The following NTRK2 variants were observed in gnomAD, a reference collection of about 807,000 sequenced individuals.
NTRK2 encodes the protein neurotrophic receptor tyrosine kinase 2, also known as BDNF/NT-3 growth factors receptor.
Under a neutral mutation model 94.5 loss-of-function variants are expected in NTRK2, and 13 were observed. The observed-to-expected ratio is 0.14, with a 90% CI of 0.09 to 0.22. The LOEUF is 0.22. Among genes scored for constraint, NTRK2 ranks in the 10% least tolerant of loss-of-function variants. The probability of loss-of-function intolerance (pLI) is 1.00; values close to 1 mark genes in which losing one functional copy is unlikely to be tolerated. For missense variants in NTRK2, 639 were observed against 1,071.2 expected, an observed-to-expected ratio of 0.60 and a Z score of 5.63; for synonymous variants, 372 against 407.4, an observed-to-expected ratio of 0.91 and a Z score of 1.05.
Position 84,725,342 on chromosome 9 carries a change from A to G in NTRK2, c.853+986A>G, listed in dbSNP as rs563669111. Among the ~76,000 whole-genome samples, 10 of 152,286 alleles carry G rather than the reference A, an allele frequency of 6.6e-5. No homozygotes were observed. The East Asian group carries it at 1.5e-3, about 23-fold the overall frequency. On this transcript the variant is annotated intron_variant, in intron 8 of 18. Coordinates refer to ENST00000277120, the MANE Select transcript of NTRK2 (RefSeq NM_006180.6). ...CAATCACTATGCCCAGTGGGTACTAAACTCATAATTTCTCATCATTTTGAC... is the reference window on the plus strand; with the variant it reads ...CAATCACTATGCCCAGTGGGTACTAGACTCATAATTTCTCATCATTTTGAC...
chr9:85,012,822 T>G (rs1374404213), intron 17 of NTRK2, among the ~76,000 whole-genome samples: 1 of 152,216 alleles, frequency 6.6e-6, no homozygotes, highest in African/African-American at 2.4e-5. Context: ...GACCCGTCCC[T>G]TCAAAACAGA....
chr9:84,867,444 G>C lies in NTRK2; in HGVS notation c.1633+13G>C, dbSNP rs774495568. The stretch of plus-strand genomic sequence containing the variant: ...AAGCCAGACACATGTAAGTACAGCT[G>C]TTTGTACTTATTGTCCCATTTGCTG... On this transcript the variant is annotated intron_variant, in intron 14 of 18. Coordinates refer to ENST00000277120, the MANE Select transcript of NTRK2 (RefSeq NM_006180.6). The C allele has an allele frequency of 2.5e-6, 4 of 1,603,162 alleles. No homozygotes were observed. The highest frequency in any genetic ancestry group is 1.1e-5 in the South Asian group (1 of 90,836).
chr9:84,720,017 C>CAAAAAAA (rs57132074), intron 6 of NTRK2, among the ~76,000 whole-genome samples: 1 of 87,754 alleles, frequency 1.1e-5, no homozygotes, highest in Non-Finnish European at 2.2e-5. Context: ...AAGACTATCT[C>CAAAAAAA]AAAAAAAAAA....
At chr9:84,763,712 A>T (rs1183410669) in intron 12 of NTRK2, among the ~76,000 whole-genome samples, 4 of 152,228 alleles carry the variant, frequency 2.6e-5, no homozygotes, top group Non-Finnish European at 1.5e-5. Context: ...GGAAATTAAG[A>T]TAACCCTGTA....
intron 14 of NTRK2, among the ~76,000 whole-genome samples, chr9:84,918,847 T>C (rs2077474621): frequency 6.6e-6 from 1 of 152,226 alleles, no homozygotes. Flanking sequence ...CTTTTATTAA[T>C]GCAACAACCT....
chr9:84,934,115 C>A, intron 14 of NTRK2, 47 bp from the exon 15 acceptor site: 1 of 1,611,848 alleles, frequency 6.2e-7, no homozygotes, highest in Non-Finnish European at 8.5e-7. Flanking sequence ...GCTGCCTTCA[C>A]CTCCACATGC....
At chr9:85,008,260 A>C (rs1217022860) in intron 17 of NTRK2, among the ~76,000 whole-genome samples, 1 of 151,984 alleles carries the variant, frequency 6.6e-6, no homozygotes, top group African/African-American at 2.4e-5. Context: ...TCTGTCTTGC[A>C]TTATGGCCAT....
At chr9:84,812,130 A>G in intron 12 of NTRK2, 1 of 1,059,546 alleles carries the variant, frequency 9.4e-7, no homozygotes, top group Non-Finnish European at 1.1e-6. Context: ...TAACTAGTCC[A>G]ACACAGTCAG....
At chr9:84,995,588 A>C (rs930985714) in intron 17 of NTRK2, among the ~76,000 whole-genome samples, 3 of 152,276 alleles carry the variant, frequency 2.0e-5, no homozygotes, top group South Asian at 4.1e-4. Context: ...TCTGCCACAC[A>C]CTTGGGCAAG....
rs2132719477 is a variant in NTRK2, at chr9:84,934,228, A to G, written c.1700A>G (p.Lys567Arg). 6.2e-7 allele frequency: 1 copy of G among 1,614,054 alleles called. No homozygotes were observed. Among genetic ancestry groups the G allele is most frequent in the Non-Finnish European group, 8.5e-7 (1 of 1,179,942 alleles). Residue 567 changes from lysine (K) to arginine (R), a missense_variant, in exon 15 of 19, where the codon AAA becomes AGA. Physicochemically the swap from Lys to Arg is conservative, Grantham distance 26 (BLOSUM62 2). This residue lies in a region of NTRK2 where 343 missense variants were observed against 571.5 expected (regional missense o/e 0.60). Coordinates refer to ENST00000277120, the MANE Select transcript of NTRK2 (RefSeq NM_006180.6). ...KRELGEGAFG[K>R]VFLAECYNLC... ...GAGCTAGGCGAAGGAGCCTTTGGAAAAGTGTTCCTAGCTGAATGCTATAAC... is the reference window on the plus strand; with the variant it reads ...GAGCTAGGCGAAGGAGCCTTTGGAAGAGTGTTCCTAGCTGAATGCTATAAC...
At chr9:84,814,383 G>A (rs2072149988) in intron 12 of NTRK2, 1 of 1,065,770 alleles carries the variant, frequency 9.4e-7, no homozygotes, top group Non-Finnish European at 1.1e-6. Flanking sequence ...GCATAATGGA[G>A]GGAAGCCCGC....
intron 14 of NTRK2, among the ~76,000 whole-genome samples, chr9:84,898,260 C>A (rs946456738): frequency 2.0e-5 from 3 of 152,110 alleles, no homozygotes; most frequent in African/African-American, 7.2e-5. Flanking sequence ...GGTGCCATCA[C>A]TTTTTCAGAA....
chr9:84,871,939 C>G, intron 14 of NTRK2: 1 of 1,603,100 alleles, frequency 6.2e-7, no homozygotes, highest in Non-Finnish European at 8.5e-7. Context: ...AACATCTTGA[C>G]GTCACTCCTT....
At chr9:84,946,225 T>C (rs1311927769) in intron 15 of NTRK2, among the ~76,000 whole-genome samples, 1 of 152,224 alleles carries the variant, frequency 6.6e-6, no homozygotes, top group Non-Finnish European at 1.5e-5. Context: ...GTAGTCTCCC[T>C]GGAGATGGGA....
intron 17 of NTRK2, among the ~76,000 whole-genome samples, chr9:84,977,088 T>C (rs995975300): frequency 3.9e-5 from 6 of 152,208 alleles, no homozygotes; most frequent in Non-Finnish European, 8.8e-5. Flanking sequence ...AGGGGAAATA[T>C]AGGAATAGGC....
At chr9:84,797,862 TA>T (rs1166545838) in intron 12 of NTRK2, among the ~76,000 whole-genome samples, 6 of 104,572 alleles carry the variant, frequency 5.7e-5, no homozygotes, top group East Asian at 2.4e-4. Flanking sequence ...ATATATACTA[TA>T]ATAATATATA....
At chr9:84,860,803 G>A (rs2075298114) in intron 12 of NTRK2, among the ~76,000 whole-genome samples, 1 of 152,084 alleles carries the variant, frequency 6.6e-6, no homozygotes, top group Non-Finnish European at 1.5e-5. Flanking sequence ...GAGCCTCCGT[G>A]TTCTCTGAAT....
intron 17 of NTRK2, among the ~76,000 whole-genome samples, chr9:85,001,946 G>T (rs1318555804): frequency 6.6e-6 from 1 of 152,230 alleles, no homozygotes; most frequent in Non-Finnish European, 1.5e-5. Context: ...TGGAGCATCA[G>T]AGGTATGCGG....
At chr9:84,870,329 G>A (rs1191168990) in intron 14 of NTRK2, among the ~76,000 whole-genome samples, 1 of 20,554 alleles carries the variant, frequency 4.9e-5, no homozygotes, top group African/African-American at 1.2e-4. Flanking sequence ...GGGTGTGTGT[G>A]TGTATATATA....
Sources: allele counts gnomAD v4.1 joint callset (sites outside exome capture counted in the v4.1 genomes callset), GRCh38; gene constraint gnomAD v4.1.1; regional missense constraint gnomAD v4.1.1; transcripts MANE v1.5; gene names NCBI Gene and HGNC (gene_info 2026-07-23, HGNC 2026-07-21).